The following NBAS variants were observed in gnomAD, a reference collection of about 807,000 sequenced individuals.
NBAS encodes the protein NBAS subunit of NRZ tethering complex.
A neutral mutation model predicts 302.5 loss-of-function variants in NBAS; 219 were observed. That is an observed-to-expected ratio of 0.72 (90% CI 0.65 to 0.81). The LOEUF (loss-of-function observed/expected upper bound fraction) is 0.81. Among genes scored for constraint, NBAS ranks in the 30% least tolerant of loss-of-function variants. The pLI, the probability that NBAS is intolerant of heterozygous loss-of-function variation, is 0.00. For missense variants in NBAS, 2,932 were observed against 2,841.6 expected, an observed-to-expected ratio of 1.03 and a Z score of -0.72; for synonymous variants, 1,118 against 1,021.6, an observed-to-expected ratio of 1.09 and a Z score of -1.80.
At chr2:15,105,434 C>T in the NBAS span, among the ~76,000 whole-genome samples, 228 of 149,760 alleles carry the variant, frequency 1.5e-3, 2 homozygotes, top group Middle Eastern at 3.5e-3. Flanking sequence ...ATAATTATTA[C>T]GAATAAAACC....
chr2:15,557,491 T>C (rs1664703237), intron 2 of NBAS, among the ~76,000 whole-genome samples: 3 of 152,212 alleles, frequency 2.0e-5, no homozygotes, highest in South Asian at 2.1e-4. Context: ...ATTCTCAAAA[T>C]TTAAAAGCAT....
At chr2:15,029,185 T>G in the NBAS span, among the ~76,000 whole-genome samples, 2 of 152,226 alleles carry the variant, frequency 1.3e-5, no homozygotes, top group Non-Finnish European at 2.9e-5. Flanking sequence ...AAATTGTTGA[T>G]TTTAAAATAT....
In NBAS at chr2:15,523,213, C is replaced by T. The variant is rs558879923; in HGVS notation, c.746+11330G>A. ...CACAATGAAAAATACATGAGAACCT[C>T]GAGAGATTACTTTTTACTATGATAC... On this transcript the variant is annotated intron_variant, in intron 9 of 51. Transcript: ENST00000281513. Among the ~76,000 whole-genome samples the T allele has an allele frequency of 6.2e-4, 95 of 152,058 alleles. 1 individual carries two copies. Among genetic ancestry groups the T allele is most frequent in the Non-Finnish European group, 5.4e-4 (37 of 68,030 alleles).
chr2:15,070,561 C>T, the NBAS span, among the ~76,000 whole-genome samples: 3 of 152,248 alleles, frequency 2.0e-5, no homozygotes, highest in Admixed American at 1.3e-4. Flanking sequence ...CTCGGCCAGG[C>T]CAAAGGCAAG....
chr2:15,523,005 A>T (rs1662749657), intron 9 of NBAS, among the ~76,000 whole-genome samples: 1 of 152,216 alleles, frequency 6.6e-6, no homozygotes, highest in Non-Finnish European at 1.5e-5. Context: ...TACAAGATCG[A>T]TCATCTATCT....
At chr2:15,511,381 A>G in intron 9 of NBAS, 31 bp from the exon 10 acceptor site, 2 of 1,598,514 alleles carry the variant, frequency 1.3e-6, no homozygotes, top group Non-Finnish European at 1.7e-6. Flanking sequence ...AAAAATCGAT[A>G]AATTGCAAAT....
chr2:14,902,123 C>T, the NBAS span, among the ~76,000 whole-genome samples: 1 of 152,104 alleles, frequency 6.6e-6, no homozygotes, highest in African/African-American at 2.4e-5. Context: ...TCCCTTCCAA[C>T]TCTCACATTT....
chr2:15,132,416 G>A, the NBAS span, among the ~76,000 whole-genome samples: 44 of 152,150 alleles, frequency 2.9e-4, 1 homozygote, highest in Admixed American at 2.0e-4. Flanking sequence ...GGGGTTAAGG[G>A]GGAGGAAGAA....
the NBAS span, among the ~76,000 whole-genome samples, chr2:14,785,149 T>C: frequency 6.6e-6 from 1 of 152,216 alleles, no homozygotes; most frequent in Non-Finnish European, 1.5e-5. Flanking sequence ...AGAATGCTTG[T>C]GATTTTTGTA....
the NBAS span, among the ~76,000 whole-genome samples, chr2:14,880,647 G>T: frequency 6.6e-6 from 1 of 151,676 alleles, no homozygotes; most frequent in Non-Finnish European, 1.5e-5. Context: ...AAAAAAATAA[G>T]ATGAAAAAGA....
chr2:14,826,400 A>G, the NBAS span, among the ~76,000 whole-genome samples: 2 of 152,268 alleles, frequency 1.3e-5, no homozygotes, highest in Admixed American at 6.5e-5. Context: ...ACACACATAC[A>G]TAAGACACTG....
chr2:15,182,795 T>C (rs1161461475), intron 50 of NBAS, among the ~76,000 whole-genome samples: 1 of 152,216 alleles, frequency 6.6e-6, no homozygotes, highest in Non-Finnish European at 1.5e-5. Context: ...TCACTCATCC[T>C]GCTGGTAATA....
chr2:15,375,649 A>G (rs1342988548), intron 30 of NBAS, among the ~76,000 whole-genome samples: 1 of 152,192 alleles, frequency 6.6e-6, no homozygotes, highest in East Asian at 1.9e-4. Context: ...ACTTTTTTAC[A>G]TTTTTTACTC....
the NBAS span, among the ~76,000 whole-genome samples, chr2:14,950,084 T>C: frequency 6.6e-6 from 1 of 152,158 alleles, no homozygotes; most frequent in Non-Finnish European, 1.5e-5. Flanking sequence ...TCTTTAGTGG[T>C]GATTTGTGAG....
intron 6 of NBAS, among the ~76,000 whole-genome samples, chr2:15,543,662 G>A (rs1184493578): frequency 1.3e-5 from 2 of 152,120 alleles, no homozygotes; most frequent in Non-Finnish European, 2.9e-5. Context: ...AGAAACCCCC[G>A]ATAAAACCAT....
chr2:15,053,955 A>G, the NBAS span, among the ~76,000 whole-genome samples: 9 of 149,894 alleles, frequency 6.0e-5, no homozygotes, highest in African/African-American at 2.0e-4. Flanking sequence ...AAAAAAAAAT[A>G]GAAGAGGGGG....
chr2:14,822,025 T>G, the NBAS span, among the ~76,000 whole-genome samples: 1 of 151,700 alleles, frequency 6.6e-6, no homozygotes, highest in Admixed American at 6.6e-5. Context: ...AGAGTGAGAC[T>G]CTGTCTCAAC....
chr2:15,338,666 C>CACACACAT (rs1407307254), intron 35 of NBAS, among the ~76,000 whole-genome samples: 1 of 119,264 alleles, frequency 8.4e-6, no homozygotes, highest in African/African-American at 3.3e-5. Flanking sequence ...TGAATACAAA[C>CACACACAT]ACACACATAC....
intron 21 of NBAS, among the ~76,000 whole-genome samples, chr2:15,429,169 C>G (rs149537630): frequency 6.6e-6 from 1 of 152,166 alleles, no homozygotes; most frequent in East Asian, 1.9e-4. Flanking sequence ...GAGCTAGGCA[C>G]TCTCTGGCAT....
Sources: gnomAD v4.1 joint callset for allele counts (sites outside exome capture counted in the v4.1 genomes callset) on GRCh38, gnomAD v4.1.1 for gene constraint, MANE v1.5 for transcripts, NCBI Gene and HGNC (gene_info 2026-07-23, HGNC 2026-07-21) for gene names.